Variants in PCDH11X observed in about 807,000 individuals in gnomAD.
PCDH11X encodes protocadherin 11 X-linked.
A neutral mutation model predicts 53.3 loss-of-function variants in PCDH11X; 18 were observed. The ratio of observed to expected loss-of-function variants is 0.34; its 90% CI spans 0.23 to 0.50. The LOEUF (loss-of-function observed/expected upper bound fraction) is 0.50. Among genes scored for constraint, PCDH11X ranks in the 20% least tolerant of loss-of-function variants. The pLI, the probability that PCDH11X is intolerant of heterozygous loss-of-function variation, is 0.98. For missense variants in PCDH11X, 570 were observed against 1,032.4 expected (o/e 0.55, Z 6.14); for synonymous variants, 279 against 393.3 (o/e 0.71, Z 3.44).
intron 8 of PCDH11X, among the ~76,000 whole-genome samples, chrX:92,279,181 C>A (rs2068189211): frequency 8.9e-6 from 1 of 112,218 alleles, no homozygotes; most frequent in Non-Finnish European, 1.9e-5. Flanking sequence ...CTCCTTCCCA[C>A]TATATTTGAT....
intron 6 of PCDH11X, among the ~76,000 whole-genome samples, chrX:92,040,018 C>T (rs955635193): frequency 9.2e-6 from 1 of 109,002 alleles, no homozygotes; most frequent in African/African-American, 3.4e-5. Flanking sequence ...ATAGGGACCT[C>T]ACAACTCTGC....
At chrX:92,546,773 A>G (rs982618599) in intron 10 of PCDH11X, among the ~76,000 whole-genome samples, 6 of 111,550 alleles carry the variant, frequency 5.4e-5, no homozygotes, top group Non-Finnish European at 9.4e-5. Flanking sequence ...ACTGCCCTCC[A>G]TTTACGCAAG....
intron 6 of PCDH11X, among the ~76,000 whole-genome samples, chrX:91,907,250 G>A (rs1468107708): frequency 9.5e-6 from 1 of 104,965 alleles, no homozygotes. Flanking sequence ...TTGATCTTCA[G>A]ATAGAGATAA....
At chrX:92,033,941 A>G (rs1321901800) in intron 6 of PCDH11X, among the ~76,000 whole-genome samples, 4 of 107,924 alleles carry the variant, frequency 3.7e-5, no homozygotes, top group African/African-American at 1.3e-4. Context: ...ATAGGTTTTG[A>G]TATGTTGTGT....
At chrX:91,825,380 CGCCGTTTTTTAA>C (rs1936878578) in intron 4 of PCDH11X, among the ~76,000 whole-genome samples, 1 of 111,691 alleles carries the variant, frequency 9.0e-6, no homozygotes, top group African/African-American at 3.3e-5. Context: ...TCTCGTGGTG[CGCCGTTTTTTAA>C]GCCCGTCGGA....
At chrX:92,323,375 T>C (rs946542568) in intron 8 of PCDH11X, among the ~76,000 whole-genome samples, 23 of 106,725 alleles carry the variant, frequency 2.2e-4, no homozygotes, top group African/African-American at 7.5e-4. Context: ...ACTATAGGAG[T>C]TGTCATTTAC....
At chrX:92,037,067 A>G (rs1176802409) in intron 6 of PCDH11X, among the ~76,000 whole-genome samples, 1 of 111,598 alleles carries the variant, frequency 9.0e-6, no homozygotes, top group Non-Finnish European at 1.9e-5. Context: ...TTTATTTTAA[A>G]TTCTGGGATA....
intron 6 of PCDH11X, among the ~76,000 whole-genome samples, chrX:92,155,617 CTTTT>C (rs775178966): frequency 3.8e-5 from 3 of 79,781 alleles, no homozygotes; most frequent in African/African-American, 5.6e-5. Context: ...ACTTCAATAG[CTTTT>C]TTTTTTTTTT....
chrX:91,969,623 A>T lies in PCDH11X; in HGVS notation c.3033+90350A>T, dbSNP rs749468029. The stretch of plus-strand genomic sequence containing the variant: ...AGAACAGCCTGGGCAACATAGCGAG[A>T]CTCCTTCTCTACAAAAAATAAAAAA... On this transcript the variant is annotated intron_variant, in intron 6 of 10. Transcript: ENST00000682573. Among the ~76,000 whole-genome samples, 98 of 107,861 alleles carry T rather than the reference A, an allele frequency of 9.1e-4. 1 individual carries two copies. The highest frequency in any genetic ancestry group is 3.2e-3 in the African/African-American group (95 of 29,602). 93.7% of individuals were successfully genotyped at this position (107,861 alleles called of 115,157 possible). A position where few individuals can be genotyped will look rare whatever the true frequency, so the allele number is the denominator to read the frequency against.
At chrX:91,828,106 TA>T (rs1457316088) in intron 4 of PCDH11X, among the ~76,000 whole-genome samples, 2 of 104,765 alleles carry the variant, frequency 1.9e-5, no homozygotes, top group Non-Finnish European at 3.9e-5. Flanking sequence ...AATTCCATTT[TA>T]AAAGGCAGAA....
intron 6 of PCDH11X, among the ~76,000 whole-genome samples, chrX:91,907,125 A>G (rs1941186805): frequency 9.0e-6 from 1 of 111,264 alleles, no homozygotes; most frequent in South Asian, 3.7e-4. Flanking sequence ...ATAAGATGAC[A>G]TGACTAGTGA....
At chrX:92,565,198 G>C (rs1412829644) in intron 10 of PCDH11X, among the ~76,000 whole-genome samples, 2 of 100,639 alleles carry the variant, frequency 2.0e-5, no homozygotes, top group Middle Eastern at 0.01. Flanking sequence ...AACCACAATA[G>C]AGAGTGCTTT....
At chrX:92,409,338 A>G (rs959419975) in intron 9 of PCDH11X, among the ~76,000 whole-genome samples, 3 of 112,297 alleles carry the variant, frequency 2.7e-5, no homozygotes, top group African/African-American at 9.7e-5. Flanking sequence ...CATACCACAC[A>G]ATATTTAAGC....
chrX:91,786,573 C>A (rs1935341226), intron 1 of PCDH11X, among the ~76,000 whole-genome samples: 1 of 88,555 alleles, frequency 1.1e-5, no homozygotes, highest in Admixed American at 1.3e-4. Flanking sequence ...TTTCTGTCAC[C>A]TTTATTTTGA....
At chrX:92,400,881 G>C (rs1053257312) in intron 9 of PCDH11X, among the ~76,000 whole-genome samples, 21 of 108,681 alleles carry the variant, frequency 1.9e-4, no homozygotes, top group Middle Eastern at 4.7e-3. Flanking sequence ...TCTGAATATA[G>C]ATGCTTAAGG....
chrX:91,983,153 C>G, intron 6 of PCDH11X: 3 of 959,217 alleles, frequency 3.1e-6, no homozygotes, highest in Non-Finnish European at 4.5e-6. Flanking sequence ...CCTGCTTGTA[C>G]CCTGTCTTGA....
intron 8 of PCDH11X, among the ~76,000 whole-genome samples, chrX:92,337,081 C>T (rs925008969): frequency 9.1e-6 from 1 of 110,115 alleles, no homozygotes; most frequent in Non-Finnish European, 1.9e-5. Flanking sequence ...ATGTTTAATA[C>T]ATAGTAGAAC....
chrX:92,170,280 A>G (rs2065801570), intron 6 of PCDH11X, among the ~76,000 whole-genome samples: 2 of 110,409 alleles, frequency 1.8e-5, no homozygotes, highest in South Asian at 3.8e-4. Flanking sequence ...TATTAATTTT[A>G]TGAATGTTTT....
chrX:92,302,673 T>A (rs2068747743), intron 8 of PCDH11X, among the ~76,000 whole-genome samples: 1 of 108,807 alleles, frequency 9.2e-6, no homozygotes, highest in African/African-American at 3.3e-5. Context: ...TTTAAAATTA[T>A]CCTTTAAGAA....
Sources: gnomAD v4.1 joint callset for allele counts (sites outside exome capture counted in the v4.1 genomes callset) on GRCh38, gnomAD v4.1.1 for gene constraint, MANE v1.5 for transcripts, NCBI Gene and HGNC (gene_info 2026-07-23, HGNC 2026-07-21) for gene names.